TWSG1: variants seen among roughly 807,000 people sequenced by gnomAD.
TWSG1 encodes the protein twisted gastrulation protein homolog 1.
Under a neutral mutation model 23.0 loss-of-function variants are expected in TWSG1, and 15 were observed. The ratio of observed to expected loss-of-function variants is 0.65; its 90% CI spans 0.44 to 1.00. TWSG1 has a LOEUF of 1.00. Ranked by LOEUF, TWSG1 falls within the 50% of genes least tolerant of loss-of-function variation. The pLI, the probability that TWSG1 is intolerant of heterozygous loss-of-function variation, is 0.00. For synonymous variants in TWSG1, 86 were observed against 92.8 expected (o/e 0.93, Z 0.42); for missense variants, 242 against 278.7 (o/e 0.87, Z 0.94).
chr18:9,369,085 G>A (rs2040592654), intron 3 of TWSG1, among the ~76,000 whole-genome samples: 1 of 151,644 alleles, frequency 6.6e-6, no homozygotes, highest in Non-Finnish European at 1.5e-5. Flanking sequence ...CTCCAGCCTG[G>A]GCAACAGAGT....
rs79017529 is a variant in TWSG1 at position 9,365,093 on chromosome 18, G to A, written c.223+5022G>A. Among the ~76,000 whole-genome samples the A allele has an allele frequency of 1.4e-3, 210 of 152,274 alleles. 1 individual carries two copies. The highest frequency in any genetic ancestry group is 4.9e-3 in the African/African-American group (204 of 41,536). On this transcript the variant is annotated intron_variant, in intron 3 of 4. Transcript: ENST00000262120. The stretch of plus-strand genomic sequence containing the variant: ...TCCAGCACGTTGGGAGGCCACAGAA[G>A]GAGGATCACTTGAGCCCAGGAGTTC...
chr18:9,399,571 A>G lies in TWSG1; in HGVS notation c.*44A>G, dbSNP rs2040753688. The G allele has an allele frequency of 1.6e-5, 24 of 1,507,774 alleles. No individual in the cohort carries two copies. Among genetic ancestry groups the G allele is most frequent in the African/African-American group, 2.8e-5 (2 of 71,204 alleles). 93.4% of individuals were successfully genotyped at this position (1,507,774 alleles called of 1,614,324 possible). A position where few individuals can be genotyped will look rare whatever the true frequency, so the allele number is the denominator to read the frequency against. On this transcript the variant is annotated 3_prime_UTR_variant, in exon 5 of 5. Transcript: ENST00000262120. ...AAAGCAACTTAGTAAAATAATAGGT[A>G]TAAAAAGTTATTCTGTAAGTCTGTT... is the stretch of plus-strand genomic sequence containing the variant.
rs984247364 is a variant in TWSG1, at chr18:9,337,280, G to C, written c.51G>C (p.Leu17=). ...AVLTLAILMF[L]TWLPESLSCN... ...TTACTCTAGCCATCCTGATGTTCCT[G>C]ACATGGCTTCCAGAATCACTGAGCT... Residue 17 remains leucine, a synonymous_variant, in exon 2 of 5, where the codon CTG becomes CTC. Transcript: ENST00000262120. 2.5e-6 allele frequency: 4 copies of C among 1,613,490 alleles called. No homozygotes were observed. Among genetic ancestry groups the C allele is most frequent in the Non-Finnish European group, 3.4e-6 (4 of 1,180,000 alleles).
At chr18:9,345,056 A>C (rs779344479) in intron 2 of TWSG1, among the ~76,000 whole-genome samples, 23 of 152,116 alleles carry the variant, frequency 1.5e-4, no homozygotes, top group Non-Finnish European at 3.1e-4. Context: ...ACCATGCCCA[A>C]CCCAGAACCT....
intron 3 of TWSG1, among the ~76,000 whole-genome samples, chr18:9,385,770 A>G (rs2040680014): frequency 6.6e-6 from 1 of 152,184 alleles, no homozygotes; most frequent in Non-Finnish European, 1.5e-5. Context: ...TTAGGACATA[A>G]AAGAAATCTT....
chr18:9,399,992 T>C lies in TWSG1; in HGVS notation c.*465T>C, dbSNP rs377059371. On this transcript the variant is annotated 3_prime_UTR_variant, in exon 5 of 5. Transcript: ENST00000262120. ...TGCCTTGTTTTATCCATTTTATAAA[T>C]AGAGTAGATATTTGATATACCACTC... is the stretch of plus-strand genomic sequence containing the variant. 4 of 153,228 alleles carry C rather than the reference T, an allele frequency of 2.6e-5. No individual in the cohort carries two copies. Among genetic ancestry groups the C allele is most frequent in the African/African-American group, 9.6e-5 (4 of 41,592 alleles). The allele number at this position is 153,228 out of a possible 1,614,324, so 9.5% of individuals were successfully genotyped here.
At chr18:9,371,772 CT>C (rs11379317) in intron 3 of TWSG1, among the ~76,000 whole-genome samples, 22,825 of 134,436 alleles carry the variant, frequency 0.17, 1,692 homozygotes, top group East Asian at 0.23. Flanking sequence ...CATTTTTATT[CT>C]TTTTTTTTTT....
At chr18:9,368,488 A>G (rs934738617) in intron 3 of TWSG1, among the ~76,000 whole-genome samples, 6 of 151,022 alleles carry the variant, frequency 4.0e-5, no homozygotes, top group African/African-American at 1.2e-4. Flanking sequence ...GGCATGAGCC[A>G]TCACACCTGG....
intron 3 of TWSG1, 129 bp downstream of exon 3, chr18:9,360,200 C>T (rs981496589): frequency 3.3e-6 from 2 of 613,406 alleles, no homozygotes; most frequent in African/African-American, 1.8e-5. Context: ...AGTAAACATA[C>T]AGAACATTGT....
intron 2 of TWSG1, among the ~76,000 whole-genome samples, chr18:9,344,490 CATGT>C (rs1373662240): frequency 2.7e-5 from 3 of 113,016 alleles, no homozygotes; most frequent in African/African-American, 7.0e-5. Context: ...TTAGTGAATG[CATGT>C]GTGTGTGTGT....
intron 3 of TWSG1, among the ~76,000 whole-genome samples, chr18:9,393,947 C>G (rs533037348): frequency 6.6e-6 from 1 of 152,274 alleles, no homozygotes; most frequent in African/African-American, 2.4e-5. Context: ...TATTTTCCCT[C>G]ACCCAGATTC....
intron 3 of TWSG1, among the ~76,000 whole-genome samples, chr18:9,379,300 GTGGTACATACACACCATGGAATACTC>G (rs2040645464): frequency 6.6e-6 from 1 of 152,158 alleles, no homozygotes. Flanking sequence ...TGAAGAAAGA[GTGGTACATACACACCATGGAATACTC>G]TGCAGCCAGA....
chr18:9,396,219 G>A lies in TWSG1; in HGVS notation c.224-61G>A, dbSNP rs2040734842. 4.9e-6 allele frequency: 6 copies of A among 1,231,884 alleles called. No individual in the cohort carries two copies. The East Asian group carries it at 1.0e-4, about 21-fold the overall frequency. The allele number at this position is 1,231,884 out of a possible 1,614,324, so 76.3% of individuals were successfully genotyped here. A position where few individuals can be genotyped will look rare whatever the true frequency, so the allele number is the denominator to read the frequency against. On this transcript the variant is annotated intron_variant, in intron 3 of 4. Coordinates refer to ENST00000262120, the MANE Select transcript of TWSG1 (RefSeq NM_020648.6). ...CCTAGAAGTTACATAATTTTAATGT[G>A]TTATAGCTCTGATTGCAAGGCAGTA...
At chr18:9,388,405 A>T (rs140491442) in intron 3 of TWSG1, 1 of 152,242 alleles carries the variant, frequency 6.6e-6, no homozygotes, top group Non-Finnish European at 1.5e-5. Flanking sequence ...AACAATTTTC[A>T]TAGGATTATG....
At chr18:9,365,461 G>A (rs971539721) in intron 3 of TWSG1, among the ~76,000 whole-genome samples, 2 of 152,172 alleles carry the variant, frequency 1.3e-5, no homozygotes, top group African/African-American at 2.4e-5. Flanking sequence ...GATCACTTAA[G>A]TTTGAGACCA....
At chr18:9,391,536 A>G (rs534410614) in intron 3 of TWSG1, among the ~76,000 whole-genome samples, 2 of 152,344 alleles carry the variant, frequency 1.3e-5, no homozygotes, top group South Asian at 4.1e-4. Flanking sequence ...TCAGAATACA[A>G]CCACAACAGT....
At chr18:9,377,274 AG>A (rs1189281024) in intron 3 of TWSG1, among the ~76,000 whole-genome samples, 3 of 151,092 alleles carry the variant, frequency 2.0e-5, no homozygotes, top group Non-Finnish European at 4.4e-5. Context: ...GCTGGCGTGC[AG>A]TGGTGCGACC....
chr18:9,372,247 C>A (rs575272020), intron 3 of TWSG1, among the ~76,000 whole-genome samples: 91 of 151,436 alleles, frequency 6.0e-4, no homozygotes, highest in African/African-American at 2.1e-3. Context: ...ACAGATAGTA[C>A]CAAACCTTAT....
chr18:9,368,698 A>G (rs553756044), intron 3 of TWSG1, among the ~76,000 whole-genome samples: 29 of 152,308 alleles, frequency 1.9e-4, no homozygotes, highest in Non-Finnish European at 3.8e-4. Context: ...CTGTAATCCC[A>G]GCACTTTGGG....
Sources: allele counts gnomAD v4.1 joint callset (sites outside exome capture counted in the v4.1 genomes callset), GRCh38; gene constraint gnomAD v4.1.1; transcripts MANE v1.5; gene names NCBI Gene and HGNC (gene_info 2026-07-23, HGNC 2026-07-21).